UGGT2: variants seen among roughly 807,000 people sequenced by gnomAD.
UGGT2 encodes UDP-glucose:glycoprotein glucosyltransferase 2.
UGGT2 carries 180 observed loss-of-function variants against 192.1 expected under a neutral mutation model. That is an observed-to-expected ratio of 0.94 (90% confidence interval 0.83 to 1.06). The LOEUF is 1.06. UGGT2 is among the 50% of genes least tolerant of loss of function. UGGT2 has a pLI of 0.00. For synonymous variants in UGGT2, 580 were observed against 591.0 expected (o/e 0.98, Z 0.27); for missense variants, 1,849 against 1,795.7 (o/e 1.03, Z -0.54).
At chr13:95,954,045 T>C (rs1440307087) in intron 12 of UGGT2, among the ~76,000 whole-genome samples, 1 of 152,186 alleles carries the variant, frequency 6.6e-6, no homozygotes, top group Non-Finnish European at 1.5e-5. Context: ...TGCAACTTTT[T>C]CAGTGCTCAC....
intron 20 of UGGT2, among the ~76,000 whole-genome samples, chr13:95,920,264 C>T (rs1378074333): frequency 1.3e-5 from 2 of 152,146 alleles, no homozygotes; most frequent in African/African-American, 4.8e-5. Context: ...CTAGGCAATA[C>T]TATTCAGGAT....
intron 20 of UGGT2, among the ~76,000 whole-genome samples, chr13:95,915,571 TAC>T (rs1318372242): frequency 1.3e-5 from 2 of 152,224 alleles, no homozygotes; most frequent in Admixed American, 1.3e-4. Flanking sequence ...ATGCAAAAAA[TAC>T]ACTTATCCCT....
intron 2 of UGGT2, among the ~76,000 whole-genome samples, chr13:96,031,235 A>C (rs2052825298): frequency 1.3e-5 from 2 of 152,188 alleles, no homozygotes; most frequent in South Asian, 4.1e-4. Context: ...TCTACTTTTA[A>C]AAAAGAAAAA....
chr13:95,908,807 T>G (rs1340883496), intron 20 of UGGT2, among the ~76,000 whole-genome samples: 22 of 129,450 alleles, frequency 1.7e-4, no homozygotes, highest in Non-Finnish European at 3.1e-4. Flanking sequence ...TGTTTTTTTC[T>G]TGTAAATTTG....
At chr13:95,980,668 G>T (rs539062635) in intron 10 of UGGT2, among the ~76,000 whole-genome samples, 2 of 152,298 alleles carry the variant, frequency 1.3e-5, no homozygotes, top group East Asian at 3.9e-4. Context: ...TAAAGCCTTT[G>T]CGCCCTCTAG....
intron 12 of UGGT2, among the ~76,000 whole-genome samples, chr13:95,965,626 T>A (rs1223108589): frequency 4.0e-5 from 6 of 149,762 alleles, no homozygotes; most frequent in Non-Finnish European, 8.9e-5. Context: ...TAGCATTAGG[T>A]GATATACCTA....
Position 95,927,266 on chromosome 13 carries a change from T to C in UGGT2, c.2048A>G (p.Asn683Ser), listed in dbSNP as rs751976912. 6.8e-6 allele frequency: 11 copies of C among 1,612,402 alleles called. No individual in the cohort carries two copies. The South Asian group carries it at 1.2e-4, about 18-fold the overall frequency. The change falls in exon 18 of 39, where the codon AAT (asparagine) becomes AGT (serine). Residue 683 changes from asparagine to serine, a missense_variant. By Grantham distance (46) the Asn-to-Ser change is conservative. Transcript: ENST00000376747. ...MDRNNVVPRINTLILRTNQQY... is the reference protein window; with the variant it reads ...MDRNNVVPRISTLILRTNQQY... ...CTGGTTAGTACGCAAAATCAAAGTA[T>C]TTATACGGGGTACAACATTATTCCT... is the stretch of plus-strand genomic sequence containing the variant.
intron 2 of UGGT2, among the ~76,000 whole-genome samples, chr13:96,028,981 T>TA (rs11408600): frequency 0.42 from 62,549 of 147,620 alleles, 13,221 homozygotes; most frequent in Non-Finnish European, 0.46. Context: ...CCGTCTCTAA[T>TA]AAAAAAAAAA....
intron 20 of UGGT2, among the ~76,000 whole-genome samples, chr13:95,918,854 C>T (rs1319193443): frequency 2.6e-5 from 4 of 152,132 alleles, no homozygotes; most frequent in Non-Finnish European, 5.9e-5. Context: ...AGAGGGATTC[C>T]TCCCTTACTC....
intron 27 of UGGT2, among the ~76,000 whole-genome samples, chr13:95,883,217 AAGATAAT>A (rs2047543537): frequency 6.6e-6 from 1 of 152,196 alleles, no homozygotes; most frequent in Non-Finnish European, 1.5e-5. Context: ...CTTTAGGCAA[AAGATAAT>A]GCATAAGAAG....
chr13:95,853,058 C>T (rs1272794895), intron 36 of UGGT2, among the ~76,000 whole-genome samples: 1 of 152,078 alleles, frequency 6.6e-6, no homozygotes, highest in African/African-American at 2.4e-5. Context: ...TGAGTGGGTT[C>T]TCATGAGATC....
At chr13:95,907,914 A>G (rs960901184) in intron 20 of UGGT2, among the ~76,000 whole-genome samples, 3 of 152,216 alleles carry the variant, frequency 2.0e-5, no homozygotes, top group Non-Finnish European at 4.4e-5. Flanking sequence ...AGTTGACAGA[A>G]GTAGGCTTCA....
chr13:95,922,574 C>T (rs1463848275), intron 20 of UGGT2, among the ~76,000 whole-genome samples: 1 of 152,204 alleles, frequency 6.6e-6, no homozygotes, highest in Non-Finnish European at 1.5e-5. Flanking sequence ...GTAATCTCAG[C>T]ACTTTGGGAA....
rs372210947 is a variant in UGGT2 at position 96,007,887 on chromosome 13, C to T, written c.660+5420G>A. Among the ~76,000 whole-genome samples, 5 of 152,124 alleles carry T rather than the reference C, an allele frequency of 3.3e-5. No individual in the cohort carries two copies. The East Asian group carries it at 5.8e-4, about 18-fold the overall frequency. On this transcript the variant is annotated intron_variant, in intron 5 of 38. Transcript: ENST00000376747. The stretch of plus-strand genomic sequence containing the variant: ...AATAGAGAACTCAGATGTAAATCTA[C>T]ACATTTGGAACCAACTCATCTTCGA...
intron 29 of UGGT2, among the ~76,000 whole-genome samples, chr13:95,870,394 T>C (rs900594666): frequency 1.3e-5 from 2 of 152,348 alleles, no homozygotes; most frequent in South Asian, 2.1e-4. Flanking sequence ...ATTTGGAACT[T>C]AGAAGTGAGC....
At chr13:95,886,061 G>A (rs1349129017) in intron 26 of UGGT2, among the ~76,000 whole-genome samples, 1 of 152,140 alleles carries the variant, frequency 6.6e-6, no homozygotes, top group Non-Finnish European at 1.5e-5. Context: ...CCACAAGAGA[G>A]AATATGTGAT....
At chr13:96,012,349 A>T (rs561402760) in intron 5 of UGGT2, among the ~76,000 whole-genome samples, 3 of 152,066 alleles carry the variant, frequency 2.0e-5, no homozygotes, top group Admixed American at 6.6e-5. Flanking sequence ...GAATGTCCTT[A>T]TAACAGCATA....
chr13:95,935,230 T>C (rs1003563045), intron 17 of UGGT2, among the ~76,000 whole-genome samples: 1 of 152,182 alleles, frequency 6.6e-6, no homozygotes, highest in African/African-American at 2.4e-5. Context: ...TTTGATCCTA[T>C]GTGAAGTTCT....
At chr13:95,936,499 A>T (rs940163000) in intron 17 of UGGT2, among the ~76,000 whole-genome samples, 4 of 152,230 alleles carry the variant, frequency 2.6e-5, no homozygotes, top group African/African-American at 9.6e-5. Context: ...GGGCAGGGCC[A>T]GGCTGAGCAG....
Sources: allele counts gnomAD v4.1 joint callset (sites outside exome capture counted in the v4.1 genomes callset), GRCh38; gene constraint gnomAD v4.1.1; transcripts MANE v1.5; gene names NCBI Gene and HGNC (gene_info 2026-07-23, HGNC 2026-07-21).